Variants in IL17RD observed in about 807,000 individuals in gnomAD.
The protein encoded by IL17RD is interleukin 17 receptor D.
Under a neutral mutation model 80.5 loss-of-function variants are expected in IL17RD, and 52 were observed. The ratio of observed to expected loss-of-function variants is 0.65; its 90% confidence interval spans 0.52 to 0.81. The LOEUF (loss-of-function observed/expected upper bound fraction) is 0.81, where lower values mean the gene tolerates loss of function less well. Among genes scored for constraint, IL17RD ranks in the 40% least tolerant of loss-of-function variants. The pLI, the probability that IL17RD is intolerant of heterozygous loss-of-function variation, is 0.00. For missense variants in IL17RD, 1,024 were observed against 955.1 expected, an observed-to-expected ratio of 1.07 and a Z score of -0.95; for synonymous variants, 416 against 391.8, an observed-to-expected ratio of 1.06 and a Z score of -0.73.
In IL17RD at chr3:57,093,705, T is replaced by C. The variant is rs919316198; in HGVS notation, c.*2688A>G. 14 of 152,224 alleles carry C rather than the reference T, an allele frequency of 9.2e-5. No homozygotes were observed. The highest frequency in any genetic ancestry group is 3.1e-4 in the African/African-American group (13 of 41,446). The allele number at this position is 152,224 out of a possible 1,614,324, so 9.4% of individuals were successfully genotyped here. A position where few individuals can be genotyped will look rare whatever the true frequency, so the allele number is the denominator to read the frequency against. ...GAGGAGCTTTGGCACCTTGTATGGC[T>C]GGGCTGAGTCTGTTGAGGTGGTCTC... On this transcript the variant is annotated 3_prime_UTR_variant, in exon 13 of 13. Coordinates refer to ENST00000296318, the MANE Select transcript of IL17RD (RefSeq NM_017563.5).
chr3:57,126,476 A>C (rs1464773890), intron 1 of IL17RD, among the ~76,000 whole-genome samples: 1 of 152,250 alleles, frequency 6.6e-6, no homozygotes, highest in African/African-American at 2.4e-5. Context: ...ATGGCAAAGA[A>C]GCAAAGGCCT....
intron 1 of IL17RD, among the ~76,000 whole-genome samples, chr3:57,161,467 G>C (rs2060304565): frequency 6.6e-6 from 1 of 152,170 alleles, no homozygotes; most frequent in Admixed American, 6.5e-5. Context: ...GCCTTAAATG[G>C]GAAACTTGCA....
At chr3:57,163,978 T>C (rs1051832050) in intron 1 of IL17RD, among the ~76,000 whole-genome samples, 3 of 152,176 alleles carry the variant, frequency 2.0e-5, no homozygotes, top group Admixed American at 6.5e-5. Flanking sequence ...GGGAGTGTTA[T>C]GTCCTAGGTT....
At chr3:57,098,560 T>G (rs1706755614) in intron 11 of IL17RD, 22 bp from the exon 12 acceptor site, 2 of 1,517,382 alleles carry the variant, frequency 1.3e-6, no homozygotes, top group Admixed American at 3.9e-5. Flanking sequence ...ACAAGGCACC[T>G]CACCCATACA....
At chr3:57,163,494 C>G (rs2060320512) in intron 1 of IL17RD, among the ~76,000 whole-genome samples, 1 of 152,020 alleles carries the variant, frequency 6.6e-6, no homozygotes, top group African/African-American at 2.4e-5. Context: ...AAGAAGCCAC[C>G]TTGGCAACTG....
intron 1 of IL17RD, 45 bp from the exon 2 acceptor site, chr3:57,120,358 C>A (rs759201472): frequency 6.9e-7 from 1 of 1,449,092 alleles, no homozygotes; most frequent in Admixed American, 1.7e-5. Context: ...AGCCAATTTG[C>A]TCTTCCAACA....
chr3:57,106,042 G>A, intron 6 of IL17RD, 34 bp from the exon 7 acceptor site: 1 of 1,613,400 alleles, frequency 6.2e-7, no homozygotes, highest in South Asian at 1.1e-5. Flanking sequence ...TGAGCAACCA[G>A]AGGCTACCCT....
At chr3:57,146,568 T>A (rs1224585457) in intron 1 of IL17RD, among the ~76,000 whole-genome samples, 1 of 151,882 alleles carries the variant, frequency 6.6e-6, no homozygotes, top group Non-Finnish European at 1.5e-5. Flanking sequence ...CTGATCAACA[T>A]GGAGAAACCC....
At chr3:57,166,766 C>A (rs11714715), upstream of IL17RD, among the ~76,000 whole-genome samples, 225 of 152,260 alleles carry the variant, frequency 1.5e-3, no homozygotes, top group Admixed American at 7.5e-3. Context: ...CTTTTTGCCT[C>A]AGGAAACCTT....
At chr3:57,158,068 T>G (rs2060280306) in intron 1 of IL17RD, among the ~76,000 whole-genome samples, 1 of 152,250 alleles carries the variant, frequency 6.6e-6, no homozygotes, top group Non-Finnish European at 1.5e-5. Context: ...ATATGAAGTA[T>G]TCATTTAATG....
intron 12 of IL17RD, among the ~76,000 whole-genome samples, 161 bp from the exon 13 acceptor site, chr3:57,096,666 T>C (rs533076853): frequency 6.6e-6 from 1 of 152,290 alleles, no homozygotes; most frequent in East Asian, 1.9e-4. Context: ...CTCATCCTCC[T>C]AACAGGTTCT....
At chr3:57,112,464 C>G (rs1051671206) in intron 3 of IL17RD, among the ~76,000 whole-genome samples, 2 of 152,172 alleles carry the variant, frequency 1.3e-5, no homozygotes, top group Admixed American at 6.5e-5. Flanking sequence ...CAGCCACCCC[C>G]ACCCATAAAT....
chr3:57,158,838 T>C (rs961397367), intron 1 of IL17RD, among the ~76,000 whole-genome samples: 6 of 152,248 alleles, frequency 3.9e-5, no homozygotes, highest in Non-Finnish European at 8.8e-5. Context: ...CTTCTTTTAA[T>C]ATATTGTTTG....
chr3:57,163,642 G>A (rs1244260445), intron 1 of IL17RD, among the ~76,000 whole-genome samples: 4 of 152,026 alleles, frequency 2.6e-5, no homozygotes, highest in African/African-American at 7.2e-5. Flanking sequence ...AAGTCAACAC[G>A]AGATCCTCCT....
At chr3:57,123,418 T>C (rs1240241072) in intron 1 of IL17RD, among the ~76,000 whole-genome samples, 1 of 152,214 alleles carries the variant, frequency 6.6e-6, no homozygotes, top group Non-Finnish European at 1.5e-5. Context: ...GGCACTGCAG[T>C]TCTGCTCGGA....
At chr3:57,113,419 T>C (rs1247947998) in intron 3 of IL17RD, among the ~76,000 whole-genome samples, 3 of 152,104 alleles carry the variant, frequency 2.0e-5, no homozygotes, top group East Asian at 1.9e-4. Flanking sequence ...GTATTTTTAG[T>C]GGAGACGGGG....
chr3:57,116,526 C>A (rs1210917924), intron 2 of IL17RD, among the ~76,000 whole-genome samples: 5 of 152,138 alleles, frequency 3.3e-5, no homozygotes, highest in African/African-American at 1.2e-4. Context: ...CTCAGGTGAT[C>A]CACCCACCTT....
intron 12 of IL17RD, 129 bp downstream of exon 12, chr3:57,097,467 C>T (rs1168628421): frequency 4.3e-6 from 3 of 692,876 alleles, no homozygotes; most frequent in African/African-American, 1.8e-5. Flanking sequence ...GACTACCAAA[C>T]GAGCTGTGTT....
chr3:57,169,718 T>A (rs1183122539), upstream of IL17RD, among the ~76,000 whole-genome samples: 3 of 152,144 alleles, frequency 2.0e-5, no homozygotes, highest in African/African-American at 7.2e-5. Context: ...ACATTAAAGG[T>A]AAAGAGTGTC....
Sources: gnomAD v4.1 joint callset for allele counts (sites outside exome capture counted in the v4.1 genomes callset) on GRCh38, gnomAD v4.1.1 for gene constraint, MANE v1.5 for transcripts, NCBI Gene and HGNC (gene_info 2026-07-23, HGNC 2026-07-21) for gene names.